CHODL: variants seen among roughly 807,000 people sequenced by gnomAD.
CHODL encodes the protein transmembrane protein MT75.
A neutral mutation model predicts 34.5 loss-of-function variants in CHODL; 29 were observed. The ratio of observed to expected loss-of-function variants is 0.84; its 90% CI spans 0.63 to 1.15. CHODL has a LOEUF of 1.15. Ranked by LOEUF, CHODL falls within the 50% of genes most tolerant of loss-of-function variation. The probability of loss-of-function intolerance (pLI) is 0.00; values close to 1 mark genes in which losing one functional copy is unlikely to be tolerated. For synonymous variants in CHODL, 125 were observed against 116.1 expected, an observed-to-expected ratio of 1.08 and a Z score of -0.49; for missense variants, 332 against 332.5, an observed-to-expected ratio of 1.00 and a Z score of 0.01.
At chr21:18,249,114 T>C (rs1345520978) in intron 1 of CHODL, among the ~76,000 whole-genome samples, 2 of 131,790 alleles carry the variant, frequency 1.5e-5, no homozygotes, top group Admixed American at 8.8e-5. Context: ...ATAATATATA[T>C]ATAATAAAAT....
chr21:17,994,869 C>T (rs1382025162), intron 1 of CHODL, among the ~76,000 whole-genome samples: 1 of 152,144 alleles, frequency 6.6e-6, no homozygotes, highest in Admixed American at 6.5e-5. Flanking sequence ...TATGCGAGGA[C>T]CCTGCCACTG....
At chr21:18,208,344 C>G (rs2073736769) in intron 2 of CHODL, among the ~76,000 whole-genome samples, 1 of 152,008 alleles carries the variant, frequency 6.6e-6, no homozygotes, top group South Asian at 2.1e-4. Context: ...TTATTTTAAT[C>G]TCTTTGTTAA....
chr21:18,124,291 TG>T lies in CHODL; in HGVS notation c.-45+96323del, dbSNP rs1013539270. The stretch of plus-strand genomic sequence containing the variant: ...AAAGTGGGAATCGCTCCCTCATCAG[TG>T]GGTGAATAGGAGGTGATTAAAACAG... On this transcript the variant is annotated intron_variant, in intron 2 of 6. Transcript: ENST00000400127. Among the ~76,000 whole-genome samples the T allele has an allele frequency of 4.5e-4, 68 of 152,230 alleles. 1 individual carries two copies. Among genetic ancestry groups the T allele is most frequent in the African/African-American group, 1.5e-3 (64 of 41,550 alleles).
At chr21:18,250,773 AT>A (rs1354756388) in intron 1 of CHODL, among the ~76,000 whole-genome samples, 1 of 152,026 alleles carries the variant, frequency 6.6e-6, no homozygotes, top group Admixed American at 6.6e-5. Flanking sequence ...AAAGAAAAAA[AT>A]ATCTTGTGTG....
chr21:18,159,432 G>A (rs924212295), intron 2 of CHODL, among the ~76,000 whole-genome samples: 3 of 151,652 alleles, frequency 2.0e-5, no homozygotes, highest in Admixed American at 6.6e-5. Flanking sequence ...CTAAAGATGC[G>A]GTATTAAATA....
chr21:18,208,459 C>A (rs534087134), intron 2 of CHODL, among the ~76,000 whole-genome samples: 1 of 152,050 alleles, frequency 6.6e-6, no homozygotes, highest in African/African-American at 2.4e-5. Context: ...GATCACATAT[C>A]TCTGTCTTTT....
chr21:17,967,099 A>G (rs1358519805), intron 1 of CHODL, among the ~76,000 whole-genome samples: 1 of 152,090 alleles, frequency 6.6e-6, no homozygotes, highest in Admixed American at 6.6e-5. Flanking sequence ...TGACCATGCT[A>G]GTCTCGAACT....
chr21:18,214,754 G>T (rs1031199226), intron 2 of CHODL, among the ~76,000 whole-genome samples: 3 of 151,994 alleles, frequency 2.0e-5, no homozygotes, highest in African/African-American at 7.2e-5. Flanking sequence ...TCTTATCAGG[G>T]CCAACTTAGT....
intron 2 of CHODL, among the ~76,000 whole-genome samples, chr21:18,077,753 G>A (rs1197887921): frequency 6.6e-6 from 1 of 152,118 alleles, no homozygotes; most frequent in East Asian, 1.9e-4. Flanking sequence ...CCTTGATCTT[G>A]GACTTCCAAG....
intron 1 of CHODL, among the ~76,000 whole-genome samples, chr21:17,973,699 C>T (rs1457089312): frequency 5.3e-5 from 8 of 151,406 alleles, no homozygotes; most frequent in South Asian, 2.1e-4. Context: ...GGATCATAGG[C>T]GTGAGCCACC....
intron 1 of CHODL, among the ~76,000 whole-genome samples, chr21:17,943,647 G>A (rs2063383238): frequency 6.6e-6 from 1 of 152,164 alleles, no homozygotes; most frequent in East Asian, 1.9e-4. Context: ...AAACAAGTCT[G>A]AGACACCAGC....
At chr21:17,922,097 A>C (rs948103346) in intron 1 of CHODL, among the ~76,000 whole-genome samples, 2 of 152,174 alleles carry the variant, frequency 1.3e-5, no homozygotes, top group Non-Finnish European at 2.9e-5. Context: ...ATAATGCTTA[A>C]TTAGGAGGTA....
At chr21:18,169,253 G>A (rs916382903) in intron 2 of CHODL, among the ~76,000 whole-genome samples, 2 of 151,904 alleles carry the variant, frequency 1.3e-5, no homozygotes, top group South Asian at 2.1e-4. Context: ...GTACATTTTT[G>A]TGTCTTTCTA....
chr21:17,979,853 C>G (rs779490750), intron 1 of CHODL, among the ~76,000 whole-genome samples: 11 of 152,146 alleles, frequency 7.2e-5, no homozygotes, highest in Non-Finnish European at 1.6e-4. Context: ...TTCCTAAGGT[C>G]TTTACATCTG....
At chr21:18,130,624 C>T (rs1297948650) in intron 2 of CHODL, among the ~76,000 whole-genome samples, 1 of 150,160 alleles carries the variant, frequency 6.7e-6, no homozygotes, top group Non-Finnish European at 1.5e-5. Flanking sequence ...ATAAATTGGC[C>T]ATAGTAACAG....
intron 1 of CHODL, among the ~76,000 whole-genome samples, chr21:17,977,927 A>G (rs1307067869): frequency 2.0e-5 from 3 of 150,570 alleles, no homozygotes; most frequent in Non-Finnish European, 4.4e-5. Context: ...TCAAAAAAAA[A>G]AAAAAAAGAA....
intron 4 of CHODL, among the ~76,000 whole-genome samples, chr21:18,261,222 G>T (rs2074378241): frequency 1.3e-5 from 2 of 151,998 alleles, no homozygotes. Flanking sequence ...TGCTTTTTTT[G>T]CATAGACATG....
intron 1 of CHODL, among the ~76,000 whole-genome samples, chr21:18,017,459 C>T (rs1393083017): frequency 6.6e-6 from 1 of 152,228 alleles, no homozygotes; most frequent in Admixed American, 6.5e-5. Context: ...CTGGCTTCAG[C>T]CTTGGCTCAA....
intron 2 of CHODL, among the ~76,000 whole-genome samples, chr21:18,125,717 T>C (rs891771581): frequency 2.0e-5 from 3 of 151,938 alleles, no homozygotes; most frequent in African/African-American, 7.3e-5. Context: ...TGCCTCAGCC[T>C]CCCAAGTAGC....
Sources: gnomAD v4.1 joint callset for allele counts (sites outside exome capture counted in the v4.1 genomes callset) on GRCh38, gnomAD v4.1.1 for gene constraint, MANE v1.5 for transcripts, NCBI Gene and HGNC (gene_info 2026-07-23, HGNC 2026-07-21) for gene names.